OR56A3: variants seen among roughly 807,000 people sequenced by gnomAD.
OR56A3 encodes olfactory receptor family 56 subfamily A member 3.
Under a neutral mutation model 17.5 loss-of-function variants are expected in OR56A3, and 23 were observed. The observed-to-expected ratio is 1.32, with a 90% CI of 0.95 to 1.87. The LOEUF is 1.87. Ranked by LOEUF, OR56A3 falls within the 40% of genes most tolerant of loss-of-function variation. The pLI, the probability that OR56A3 is intolerant of heterozygous loss-of-function variation, is 0.00. For missense variants in OR56A3, 366 were observed against 380.1 expected (o/e 0.96, Z 0.31); for synonymous variants, 175 against 150.6 (o/e 1.16, Z -1.19).
the OR56A3 span, chr11:6,000,887 G>A: frequency 1.3e-5 from 2 of 152,216 alleles, no homozygotes. Flanking sequence ...ACACTGTAGA[G>A]ATATTTATTT....
the OR56A3 span, chr11:6,003,180 A>G: frequency 1.4e-6 from 2 of 1,416,394 alleles, no homozygotes; most frequent in Admixed American, 4.6e-5. Context: ...TATGTATCAT[A>G]TGCCAGCCAC....
At chr11:6,021,806 G>A in the OR56A3 span, 1 of 151,962 alleles carries the variant, frequency 6.6e-6, no homozygotes, top group Non-Finnish European at 1.5e-5. Context: ...CGCAAACAAT[G>A]TCTAGTCAAG....
the OR56A3 span, among the ~76,000 whole-genome samples, chr11:5,965,259 T>C: frequency 6.6e-6 from 1 of 152,202 alleles, no homozygotes; most frequent in African/African-American, 2.4e-5. Context: ...AAATGTTTTA[T>C]AAATTAGGTC....
chr11:5,945,720 C>A (rs187123737), intron 2 of OR56A3, among the ~76,000 whole-genome samples: 11 of 151,846 alleles, frequency 7.2e-5, no homozygotes, highest in African/African-American at 2.4e-4. Flanking sequence ...TTTGAAATAT[C>A]ACTTCCCTTG....
the OR56A3 span, chr11:6,002,726 C>T: frequency 2.5e-6 from 4 of 1,614,154 alleles, no homozygotes; most frequent in Non-Finnish European, 3.4e-6. Flanking sequence ...TGAGGTCAAA[C>T]CAGAAGATGG....
At chr11:5,967,872 G>A in the OR56A3 span, 2 of 1,576,118 alleles carry the variant, frequency 1.3e-6, no homozygotes, top group Middle Eastern at 1.7e-4. Flanking sequence ...GCCCAGCAGG[G>A]TCCAACCTAT....
the OR56A3 span, among the ~76,000 whole-genome samples, chr11:6,011,221 T>TATATATATATATATATATATATATAC: frequency 6.7e-6 from 1 of 149,182 alleles, no homozygotes; most frequent in African/African-American, 2.4e-5. Flanking sequence ...TATATATATA[T>TATATATATATATATATATATATATAC]ACACACATAT....
the OR56A3 span, chr11:5,968,430 CT>C: frequency 6.3e-7 from 1 of 1,599,298 alleles, no homozygotes. Flanking sequence ...GCTCTGGAAA[CT>C]GGGGAAACAA....
the OR56A3 span, among the ~76,000 whole-genome samples, chr11:5,957,236 G>A: frequency 1.3e-5 from 2 of 152,262 alleles, no homozygotes; most frequent in Non-Finnish European, 1.5e-5. Context: ...TTATGCACTG[G>A]AGTGTTTAAC....
the OR56A3 span, chr11:5,985,874 A>G: frequency 5.0e-5 from 71 of 1,427,000 alleles, no homozygotes; most frequent in Non-Finnish European, 6.3e-5. Flanking sequence ...AATCTACACC[A>G]GTCACAGGCT....
chr11:5,962,015 C>T, the OR56A3 span, among the ~76,000 whole-genome samples: 1 of 152,120 alleles, frequency 6.6e-6, no homozygotes, highest in East Asian at 1.9e-4. Flanking sequence ...GTTGAATATG[C>T]TAGCTGTGAA....
At chr11:5,967,830 A>C in the OR56A3 span, 1 of 1,565,644 alleles carries the variant, frequency 6.4e-7, no homozygotes, top group Non-Finnish European at 8.7e-7. Flanking sequence ...CAAGATAAAA[A>C]AGTAAGAGAG....
At position 5,944,839 on chromosome 11, in the gene OR56A3, C is replaced by G. The variant is rs925738105; in HGVS notation, c.-280C>G. On this transcript the variant is annotated 5_prime_UTR_variant, in exon 2 of 3. Transcript: ENST00000641160. ...AATTGGGAGAATATCTAAATCTCTTCTATATATGAGGTGAAGGGCCATGCC... is the reference window on the plus strand; with the variant it reads ...AATTGGGAGAATATCTAAATCTCTTGTATATATGAGGTGAAGGGCCATGCC... The G allele has an allele frequency of 6.6e-6, 1 of 152,150 alleles. No individual in the cohort carries two copies. The highest frequency in any genetic ancestry group is 2.4e-5 in the African/African-American group (1 of 41,424). The allele number at this position is 152,150 out of a possible 1,614,324, so 9.4% of individuals were successfully genotyped here.
At chr11:6,009,169 A>G in the OR56A3 span, among the ~76,000 whole-genome samples, 2 of 152,172 alleles carry the variant, frequency 1.3e-5, no homozygotes, top group East Asian at 3.9e-4. Flanking sequence ...TTCCAGTTCA[A>G]CCACATCCTG....
At chr11:5,961,197 C>A in the OR56A3 span, among the ~76,000 whole-genome samples, 1 of 152,014 alleles carries the variant, frequency 6.6e-6, no homozygotes, top group Admixed American at 6.5e-5. Context: ...CCCGGCCACC[C>A]CGTCTGGAAA....
the OR56A3 span, chr11:5,999,839 C>A: frequency 6.6e-6 from 1 of 152,150 alleles, no homozygotes; most frequent in Non-Finnish European, 1.5e-5. Context: ...AAGCTTATGA[C>A]AGTGTCAGAG....
chr11:5,968,953 G>A, the OR56A3 span, among the ~76,000 whole-genome samples: 1 of 152,064 alleles, frequency 6.6e-6, no homozygotes, highest in Non-Finnish European at 1.5e-5. Flanking sequence ...TTAGATGGGG[G>A]AAAATAATTA....
In OR56A3 at chr11:5,948,389, C is replaced by T. The variant is rs1847888038; in HGVS notation, c.*95C>T. 1 of 803,864 alleles carries T rather than the reference C, an allele frequency of 1.2e-6. No individual in the cohort carries two copies. Among genetic ancestry groups the T allele is most frequent in the Non-Finnish European group, 2.0e-6 (1 of 499,824 alleles). 49.8% of individuals were successfully genotyped at this position (803,864 alleles called of 1,614,324 possible). On this transcript the variant is annotated 3_prime_UTR_variant, in exon 3 of 3. Transcript: ENST00000641160. ...GAAATTCATATCTGTGACTTATAAC[C>T]TCAAACTGGGTACACTAGATATTGT... is the stretch of plus-strand genomic sequence containing the variant.
the OR56A3 span, among the ~76,000 whole-genome samples, chr11:6,018,970 CAAGG>C: frequency 6.6e-6 from 1 of 151,532 alleles, no homozygotes; most frequent in Non-Finnish European, 1.5e-5. Context: ...TGAGATTGAA[CAAGG>C]AAGAAATAGA....
Sources: gnomAD v4.1 joint callset for allele counts (sites outside exome capture counted in the v4.1 genomes callset) on GRCh38, gnomAD v4.1.1 for gene constraint, MANE v1.5 for transcripts, NCBI Gene and HGNC (gene_info 2026-07-23, HGNC 2026-07-21) for gene names.